PRKCE: variants seen among roughly 807,000 people sequenced by gnomAD.
PRKCE encodes the protein protein kinase C epsilon type.
PRKCE carries 16 observed loss-of-function variants against 85.4 expected under a neutral mutation model. That is an observed-to-expected ratio of 0.19 (90% CI 0.13 to 0.28). The LOEUF (loss-of-function observed/expected upper bound fraction) is 0.28. Among genes scored for constraint, PRKCE ranks in the 10% least tolerant of loss-of-function variants. PRKCE has a pLI of 1.00. For missense variants in PRKCE, 573 were observed against 975.2 expected, an observed-to-expected ratio of 0.59 and a Z score of 5.49; for synonymous variants, 388 against 371.5, an observed-to-expected ratio of 1.04 and a Z score of -0.51.
At position 46,068,524 on chromosome 2, in the gene PRKCE, G is replaced by A. The variant is rs1667814310; in HGVS notation, c.1438-17684G>A. Among the ~76,000 whole-genome samples, 2 of 152,038 alleles carry A rather than the reference G, an allele frequency of 1.3e-5. No individual in the cohort carries two copies. Among genetic ancestry groups the A allele is most frequent in the African/African-American group, 4.8e-5 (2 of 41,368 alleles). ...GACTGAGAAAGACCAGTTGAAGAAGGGTAGAAAAATAATACCAACTTTAAA... is the reference window on the plus strand; with the variant it reads ...GACTGAGAAAGACCAGTTGAAGAAGAGTAGAAAAATAATACCAACTTTAAA... On this transcript the variant is annotated intron_variant, in intron 10 of 14. Coordinates refer to ENST00000306156, the MANE Select transcript of PRKCE (RefSeq NM_005400.3). The surrounding 1 kb of genome is among the most constrained non-coding windows in gnomAD (Gnocchi z 4.3).
At chr2:45,738,521 GA>G (rs143065482) in intron 1 of PRKCE, among the ~76,000 whole-genome samples, 6,256 of 152,260 alleles carry the variant, frequency 0.041, 209 homozygotes, top group African/African-American at 0.09. Context: ...TTTGCAACCA[GA>G]CGTGTTTTCT....
At chr2:46,182,442 G>T (rs959961090) in intron 14 of PRKCE, among the ~76,000 whole-genome samples, 1 of 152,126 alleles carries the variant, frequency 6.6e-6, no homozygotes, top group Non-Finnish European at 1.5e-5. Context: ...CCTCCTGCCG[G>T]GGGCCAGCCC....
intron 12 of PRKCE, among the ~76,000 whole-genome samples, chr2:46,149,799 T>G (rs190969119): frequency 6.6e-6 from 1 of 151,440 alleles, no homozygotes; most frequent in Non-Finnish European, 1.5e-5. Flanking sequence ...GTGTGTATCA[T>G]GTATTTATGA....
At chr2:45,860,776 G>A (rs1005682140) in intron 2 of PRKCE, among the ~76,000 whole-genome samples, 2 of 152,106 alleles carry the variant, frequency 1.3e-5, no homozygotes, top group Non-Finnish European at 2.9e-5. Flanking sequence ...GTACACTCTT[G>A]GGGAACAGGC....
Position 46,001,769 on chromosome 2 carries a change from G to T in PRKCE, c.966+223G>T, listed in dbSNP as rs1382413257. Among the ~76,000 whole-genome samples the T allele has an allele frequency of 1.3e-5, 2 of 152,132 alleles. No homozygotes were observed. On this transcript the variant is annotated intron_variant, in intron 7 of 14. Coordinates refer to ENST00000306156, the MANE Select transcript of PRKCE (RefSeq NM_005400.3). This position sits in a 1 kb window ranked among gnomAD's most constrained non-coding sequence, Gnocchi z 4.4. ...GACTGAAAACACAGCAAGCCTCAAG[G>T]GTTACGTTTGCCAAAGAAACATAAA...
At chr2:45,808,660 C>T (rs1353299563) in intron 1 of PRKCE, among the ~76,000 whole-genome samples, 2 of 152,138 alleles carry the variant, frequency 1.3e-5, no homozygotes, top group East Asian at 3.9e-4. Flanking sequence ...AGGGCTGTCT[C>T]TGCACGTGAC....
intron 14 of PRKCE, among the ~76,000 whole-genome samples, chr2:46,163,888 G>C (rs1034397411): frequency 4.8e-4 from 56 of 116,278 alleles, no homozygotes; most frequent in Non-Finnish European, 7.9e-4. Flanking sequence ...CACGGGAAAG[G>C]TGAGGTGCAC....
chr2:45,959,120 C>T (rs1276453537), intron 2 of PRKCE, among the ~76,000 whole-genome samples: 4 of 151,668 alleles, frequency 2.6e-5, no homozygotes, highest in African/African-American at 4.8e-5. Context: ...AGAATAATAT[C>T]TTTTTAGCTT....
chr2:45,652,087 T>G lies in PRKCE; in HGVS notation c.-14T>G. ...CAGACGGAGTGACCCCGGCCCCCAC[T>G]CCCCGCCCCGACCATGGTAGTGTTC... On this transcript the variant is annotated 5_prime_UTR_variant, in exon 1 of 15. Coordinates refer to ENST00000306156, the MANE Select transcript of PRKCE (RefSeq NM_005400.3). This position sits in a 1 kb window ranked among gnomAD's most constrained non-coding sequence, Gnocchi z 7.7. 1.6e-5 allele frequency: 12 copies of G among 749,650 alleles called. No homozygotes were observed. The highest frequency in any genetic ancestry group is 3.1e-5 in the South Asian group (2 of 64,318). 46.4% of individuals were successfully genotyped at this position (749,650 alleles called of 1,614,324 possible).
chr2:45,817,066 A>AGT (rs200785601), intron 1 of PRKCE, among the ~76,000 whole-genome samples: 13,592 of 135,664 alleles, frequency 0.1, 658 homozygotes, highest in Admixed American at 0.11. Flanking sequence ...CTGTAAGTAG[A>AGT]GTGTGTGTGT....
intron 11 of PRKCE, among the ~76,000 whole-genome samples, chr2:46,133,814 C>T (rs1674696825): frequency 6.6e-6 from 1 of 152,142 alleles, no homozygotes; most frequent in Non-Finnish European, 1.5e-5. Flanking sequence ...ATGCTCAAGG[C>T]AATAAGCAAA....
chr2:45,722,486 A>G (rs753645336), intron 1 of PRKCE, among the ~76,000 whole-genome samples: 17 of 152,244 alleles, frequency 1.1e-4, no homozygotes, highest in Non-Finnish European at 1.2e-4. Context: ...AGAGGTTCCC[A>G]GACCACACTT....
chr2:45,737,164 G>C (rs1227631821), intron 1 of PRKCE, among the ~76,000 whole-genome samples: 3 of 152,188 alleles, frequency 2.0e-5, no homozygotes, highest in Non-Finnish European at 4.4e-5. Context: ...TTGCCAACTT[G>C]AGACCAAATG....
chr2:46,016,327 G>T (rs1044146368), intron 10 of PRKCE, among the ~76,000 whole-genome samples: 7 of 152,124 alleles, frequency 4.6e-5, no homozygotes, highest in Admixed American at 3.3e-4. Context: ...GTGTGTGGTG[G>T]CGTGTGTCTG....
chr2:46,074,831 C>T (rs370094730), intron 10 of PRKCE, among the ~76,000 whole-genome samples: 11 of 152,270 alleles, frequency 7.2e-5, no homozygotes, highest in African/African-American at 2.6e-4. Flanking sequence ...TGAGCACCAG[C>T]TGTTAGCCAC....
intron 2 of PRKCE, among the ~76,000 whole-genome samples, chr2:45,859,542 AT>A (rs1401248180): frequency 6.6e-6 from 1 of 152,116 alleles, no homozygotes; most frequent in Non-Finnish European, 1.5e-5. Flanking sequence ...TATAGTTTTA[AT>A]TTATATTTAT....
At chr2:46,089,393 G>A (rs910605434) in intron 11 of PRKCE, among the ~76,000 whole-genome samples, 4 of 151,970 alleles carry the variant, frequency 2.6e-5, no homozygotes, top group African/African-American at 9.7e-5. Flanking sequence ...CTTCTTCCCT[G>A]GCTAGTTTGC....
At chr2:46,073,005 G>C (rs1249816548) in intron 10 of PRKCE, among the ~76,000 whole-genome samples, 1 of 152,164 alleles carries the variant, frequency 6.6e-6, no homozygotes, top group African/African-American at 2.4e-5. Flanking sequence ...AAAAATAAAT[G>C]CACATTCCCA....
chr2:45,759,014 C>G (rs1684227996), intron 1 of PRKCE, among the ~76,000 whole-genome samples: 1 of 152,036 alleles, frequency 6.6e-6, no homozygotes, highest in East Asian at 1.9e-4. Flanking sequence ...GGAGAGCTTC[C>G]GGGTCATGCC....
Sources: gnomAD v4.1 joint callset for allele counts (sites outside exome capture counted in the v4.1 genomes callset) on GRCh38, gnomAD v4.1.1 for gene constraint, Gnocchi (gnomAD v3.1) non-coding constraint, MANE v1.5 for transcripts, NCBI Gene and HGNC (gene_info 2026-07-23, HGNC 2026-07-21) for gene names.